The following R3HCC1L variants were observed in gnomAD, a reference collection of about 807,000 sequenced individuals.
The protein encoded by R3HCC1L is coiled-coil domain-containing protein R3HCC1L.
Under a neutral mutation model 59.9 loss-of-function variants are expected in R3HCC1L, and 51 were observed. That is an observed-to-expected ratio of 0.85 (90% CI 0.68 to 1.07). The LOEUF is 1.07. Ranked by LOEUF, R3HCC1L falls within the 50% of genes least tolerant of loss-of-function variation. R3HCC1L has a pLI of 0.00. For missense variants in R3HCC1L, 965 were observed against 933.0 expected (o/e 1.03, Z -0.45); for synonymous variants, 322 against 315.2 (o/e 1.02, Z -0.23).
chr10:98,144,012 T>C (rs1267264681), intron 1 of R3HCC1L, among the ~76,000 whole-genome samples: 1 of 152,016 alleles, frequency 6.6e-6, no homozygotes. Context: ...TGTCCTGCTT[T>C]AAAAAATATA....
intron 4 of R3HCC1L, among the ~76,000 whole-genome samples, chr10:98,184,376 C>T (rs1043450790): frequency 6.6e-6 from 1 of 152,082 alleles, no homozygotes; most frequent in Non-Finnish European, 1.5e-5. Context: ...TTTAACTGTA[C>T]CTTTCTATGT....
intron 4 of R3HCC1L, chr10:98,174,756 T>G: frequency 1.0e-6 from 1 of 982,704 alleles, no homozygotes; most frequent in Non-Finnish European, 1.2e-6. Context: ...ATGGAAAATC[T>G]TAAATGCAAG....
intron 9 of R3HCC1L, among the ~76,000 whole-genome samples, chr10:98,242,884 TCTCCTAGAGAA>T (rs1857694506): frequency 6.6e-6 from 1 of 152,194 alleles, no homozygotes; most frequent in Non-Finnish European, 1.5e-5. Context: ...CTTTGTGCTG[TCTCCTAGAGAA>T]CCCCAGTGCA....
chr10:98,154,903 A>G (rs1846685595), intron 1 of R3HCC1L, among the ~76,000 whole-genome samples: 1 of 152,228 alleles, frequency 6.6e-6, no homozygotes, highest in Admixed American at 6.5e-5. Flanking sequence ...TAGGATTATC[A>G]GTTTCTCATA....
In R3HCC1L at chr10:98,183,958, G is replaced by GTTT. The variant is rs71007380; in HGVS notation, c.-15+20574_-15+20576dup. On this transcript the variant is annotated intron_variant, in intron 4 of 9. Coordinates refer to ENST00000298999, the MANE Select transcript of R3HCC1L (RefSeq NM_001351015.2). ...TTTTTTTTTCTTTGCTCCTTTTTCG[G>GTTT]TTTTTTTTTTTTTTTGGTTGAAATC... is the stretch of plus-strand genomic sequence containing the variant. 2.1e-3 allele frequency among the ~76,000 whole-genome samples: 260 copies of GTTT among 126,564 alleles called. 5 individuals carry two copies. Among genetic ancestry groups the GTTT allele is most frequent in the African/African-American group, 6.1e-3 (204 of 33,366 alleles). The allele number at this position is 126,564 out of a possible 152,430, so 83.0% of individuals were successfully genotyped here.
At chr10:98,188,697 A>AT (rs1240182444) in intron 4 of R3HCC1L, among the ~76,000 whole-genome samples, 2 of 152,110 alleles carry the variant, frequency 1.3e-5, no homozygotes, top group African/African-American at 4.8e-5. Flanking sequence ...TTATTTATGT[A>AT]TTTTTTCCTA....
intron 9 of R3HCC1L, among the ~76,000 whole-genome samples, chr10:98,236,603 G>A (rs768640162): frequency 3.3e-5 from 5 of 152,178 alleles, no homozygotes; most frequent in East Asian, 1.9e-4. Context: ...AGCAACTGAC[G>A]TTGATGATAA....
chr10:98,209,970 A>G lies in R3HCC1L; in HGVS notation c.1785+71A>G, dbSNP rs1853372054. ...AGGATTTCAGTGGTAATTTTGATAG[A>G]CAGTGATGCACATTCACTGATATTT... On this transcript the variant is annotated intron_variant, in intron 5 of 9. Transcript: ENST00000298999. 7.9e-5 allele frequency: 94 copies of G among 1,185,610 alleles called. 3 individuals carry two copies. The South Asian group carries it at 1.3e-3, about 17-fold the overall frequency. The allele number at this position is 1,185,610 out of a possible 1,614,324, so 73.4% of individuals were successfully genotyped here.
chr10:98,142,804 A>G (rs573803815), intron 1 of R3HCC1L, among the ~76,000 whole-genome samples: 5 of 152,148 alleles, frequency 3.3e-5, no homozygotes, highest in Non-Finnish European at 5.9e-5. Flanking sequence ...GTCTGGCGAC[A>G]TGTGCCTGTA....
Position 98,209,786 on chromosome 10 carries a change from G to A in R3HCC1L, c.1672G>A (p.Glu558Lys), listed in dbSNP as rs1411202659. Residue 558 changes from glutamate to lysine, a missense_variant, in exon 5 of 10, where the codon GAA becomes AAA. Coordinates refer to ENST00000298999, the MANE Select transcript of R3HCC1L (RefSeq NM_001351015.2). ...ATCATCATCTATGGAAACATCCATCGAACCAAAAGCAACTGAAACTTCTCA... is the reference window on the plus strand; with the variant it reads ...ATCATCATCTATGGAAACATCCATCAAACCAAAAGCAACTGAAACTTCTCA... ...RESSSMETSI[E>K]PKATETSHTE... 11 of 1,613,632 alleles carry A rather than the reference G, an allele frequency of 6.8e-6. No homozygotes were observed. In the Admixed American group the frequency reaches 8.3e-5, roughly 12 times the overall value.
chr10:98,208,219 T>C lies in R3HCC1L; in HGVS notation c.105T>C (p.Asp35=), dbSNP rs1564694236. 6.2e-7 allele frequency: 1 copy of C among 1,614,004 alleles called. No homozygotes were observed. The highest frequency in any genetic ancestry group is 1.7e-5 in the Admixed American group (1 of 60,004). ...GTGCAGTACTCCTTAAGACAGGTGA[T>C]GAAGAAGAAAGCTGTGGTTCACCTA... ...RRGAVLLKTG[D]EEESCGSPNS... The change falls in exon 5 of 10, where the codon GAT becomes GAC. Residue 35 remains aspartate, a synonymous_variant. Transcript: ENST00000298999.
intron 5 of R3HCC1L, among the ~76,000 whole-genome samples, chr10:98,226,433 C>T (rs1855681460): frequency 6.6e-6 from 1 of 152,300 alleles, no homozygotes; most frequent in South Asian, 2.1e-4. Flanking sequence ...AATGGAAAGA[C>T]ATCCCATGTT....
intron 1 of R3HCC1L, among the ~76,000 whole-genome samples, chr10:98,135,517 C>T (rs930999176): frequency 9.9e-5 from 15 of 152,206 alleles, no homozygotes; most frequent in Admixed American, 2.6e-4. Context: ...TTGCCATCCC[C>T]CAGTCTCCAG....
intron 5 of R3HCC1L, among the ~76,000 whole-genome samples, chr10:98,212,407 A>G (rs1853687302): frequency 6.6e-6 from 1 of 152,194 alleles, no homozygotes; most frequent in South Asian, 2.1e-4. Context: ...ATAGTCAGGT[A>G]TGCTGTAGAG....
chr10:98,183,331 CTTTT>C (rs35199381), intron 4 of R3HCC1L, among the ~76,000 whole-genome samples: 2 of 138,210 alleles, frequency 1.4e-5, no homozygotes. Context: ...TGTATTGTGT[CTTTT>C]TTTTTTTTTT....
intron 6 of R3HCC1L, among the ~76,000 whole-genome samples, chr10:98,232,318 T>C (rs769274307): frequency 2.0e-5 from 3 of 152,196 alleles, no homozygotes; most frequent in Non-Finnish European, 2.9e-5. Flanking sequence ...ACAAAATAAC[T>C]CTTCTTTTTT....
rs903918960 is a variant in R3HCC1L at position 98,209,332 on chromosome 10, T to C, written c.1218T>C (p.Ser406=). ...CAGTTAGAATAGCTGATGAGACCTC[T>C]ATTAATACACGAAGTTTCTCAAAGT... is the stretch of plus-strand genomic sequence containing the variant. ...VVAVRIADET[S]INTRSFSKFV... Residue 406 remains serine (S), a synonymous_variant, in exon 5 of 10, where the codon TCT becomes TCC. Coordinates refer to ENST00000298999, the MANE Select transcript of R3HCC1L (RefSeq NM_001351015.2). The C allele has an allele frequency of 2.5e-6, 4 of 1,614,054 alleles. No individual in the cohort carries two copies. The highest frequency in any genetic ancestry group is 3.4e-6 in the Non-Finnish European group (4 of 1,179,996).
intron 5 of R3HCC1L, among the ~76,000 whole-genome samples, chr10:98,228,280 T>A (rs952749706): frequency 6.6e-6 from 1 of 152,214 alleles, no homozygotes; most frequent in Non-Finnish European, 1.5e-5. Context: ...CCATTCTAAC[T>A]GGTGTGAGAT....
intron 4 of R3HCC1L, among the ~76,000 whole-genome samples, chr10:98,168,262 T>A (rs1848154773): frequency 1.3e-5 from 2 of 152,204 alleles, no homozygotes; most frequent in Non-Finnish European, 1.5e-5. Flanking sequence ...GACTGCCTTT[T>A]GAGGTGGTCA....
Sources: gnomAD v4.1 joint callset for allele counts (sites outside exome capture counted in the v4.1 genomes callset) on GRCh38, gnomAD v4.1.1 for gene constraint, MANE v1.5 for transcripts, NCBI Gene and HGNC (gene_info 2026-07-23, HGNC 2026-07-21) for gene names.